The following SH3RF2 variants were observed in gnomAD, a reference collection of about 807,000 sequenced individuals.
SH3RF2 encodes E3 ubiquitin-protein ligase SH3RF2.
Under a neutral mutation model 59.0 loss-of-function variants are expected in SH3RF2, and 43 were observed. The observed-to-expected ratio is 0.73, with a 90% CI of 0.57 to 0.94. SH3RF2 has a LOEUF of 0.94. Ranked by LOEUF, SH3RF2 falls within the 40% of genes least tolerant of loss-of-function variation. SH3RF2 has a pLI of 0.00. For synonymous variants in SH3RF2, 391 were observed against 391.5 expected, an observed-to-expected ratio of 1.00 and a Z score of 0.01; for missense variants, 930 against 940.1, an observed-to-expected ratio of 0.99 and a Z score of 0.14.
intron 6 of SH3RF2, among the ~76,000 whole-genome samples, chr5:146,048,656 T>C (rs1165909408): frequency 6.6e-6 from 1 of 152,148 alleles, no homozygotes; most frequent in Non-Finnish European, 1.5e-5. Context: ...GGAGGCCATA[T>C]ACTGGTGATC....
At chr5:146,020,735 T>C (rs1761288370) in intron 5 of SH3RF2, among the ~76,000 whole-genome samples, 1 of 152,184 alleles carries the variant, frequency 6.6e-6, no homozygotes, top group Admixed American at 6.5e-5. Flanking sequence ...TTTTGTTCAC[T>C]TATGTGCTCT....
At chr5:146,046,187 G>A (rs1420301703) in intron 5 of SH3RF2, among the ~76,000 whole-genome samples, 1 of 152,080 alleles carries the variant, frequency 6.6e-6, no homozygotes. Flanking sequence ...TTATACAATT[G>A]TGTCTGCAAT....
intron 2 of SH3RF2, among the ~76,000 whole-genome samples, chr5:145,984,138 A>T (rs1759610991): frequency 6.6e-6 from 1 of 152,144 alleles, no homozygotes; most frequent in South Asian, 2.1e-4. Flanking sequence ...CCATAAAGGC[A>T]GGTATTGTGT....
intron 2 of SH3RF2, among the ~76,000 whole-genome samples, chr5:145,969,425 C>T (rs1758985995): frequency 6.6e-6 from 1 of 152,148 alleles, no homozygotes; most frequent in Non-Finnish European, 1.5e-5. Context: ...AAGATGTTCA[C>T]TATCAGCATA....
At chr5:145,948,067 C>A (rs1238341487) in intron 2 of SH3RF2, among the ~76,000 whole-genome samples, 1 of 152,270 alleles carries the variant, frequency 6.6e-6, no homozygotes, top group East Asian at 1.9e-4. Context: ...ACTCTACAAA[C>A]AGAGTACATG....
intron 8 of SH3RF2, among the ~76,000 whole-genome samples, chr5:146,058,871 TA>T (rs35140745): frequency 0.31 from 40,592 of 132,556 alleles, 6,808 homozygotes; most frequent in Non-Finnish European, 0.4. Flanking sequence ...CATCTCAATT[TA>T]AAAAAAAAAA....
In SH3RF2 at chr5:145,938,236, G is replaced by A. The variant is rs770000413; in HGVS notation, c.308G>A (p.Arg103Lys). 1.9e-6 allele frequency: 3 copies of A among 1,610,730 alleles called. No individual in the cohort carries two copies. The highest frequency in any genetic ancestry group is 2.5e-6 in the Non-Finnish European group (3 of 1,179,672). Residue 103 changes from arginine (R) to lysine (K), a missense_variant, in exon 2 of 10, where the codon AGG becomes AAG. Transcript: ENST00000359120. ...TMTLQDGRKS[R>K]TNPRRLQASP... ...ACCTTGCAGGATGGCAGGAAAAGCAGGACCAACCCCAGACGTCTGCAGGCC... is the reference window on the plus strand; with the variant it reads ...ACCTTGCAGGATGGCAGGAAAAGCAAGACCAACCCCAGACGTCTGCAGGCC...
intron 5 of SH3RF2, among the ~76,000 whole-genome samples, chr5:146,025,248 A>T (rs1422707139): frequency 1.3e-5 from 2 of 152,168 alleles, no homozygotes; most frequent in African/African-American, 4.8e-5. Flanking sequence ...GACAAGATTC[A>T]TTTCTCACCA....
downstream of SH3RF2, among the ~76,000 whole-genome samples, chr5:146,064,128 CAG>C (rs886762784): frequency 4.0e-5 from 6 of 151,658 alleles, no homozygotes; most frequent in African/African-American, 1.2e-4. Context: ...GAGGAGAAAA[CAG>C]GGGAGAGGAG....
rs186331433 is a variant in SH3RF2, at chr5:146,037,223, T to C, written c.1060-10549T>C. On this transcript the variant is annotated intron_variant, in intron 5 of 9. Coordinates refer to ENST00000359120, the MANE Select transcript of SH3RF2 (RefSeq NM_152550.4). ...CAAGAACCTCATGAGGTAGCCACTA[T>C]TCTTGCCCCCTTTCGTAGATAAGGA... Among the ~76,000 whole-genome samples, 165 of 152,336 alleles carry C rather than the reference T, an allele frequency of 1.1e-3. 3 individuals carry two copies. Among genetic ancestry groups the C allele is most frequent in the African/African-American group, 3.9e-3 (164 of 41,574 alleles).
chr5:145,962,577 C>T (rs993622026), intron 2 of SH3RF2, among the ~76,000 whole-genome samples: 1 of 152,214 alleles, frequency 6.6e-6, no homozygotes, highest in Non-Finnish European at 1.5e-5. Context: ...TTCTGTCCCC[C>T]TCTTCAGTTC....
At position 145,938,279 on chromosome 5, in the gene SH3RF2, G is replaced by T. The variant is rs1425740923; in HGVS notation, c.351G>T (p.Val117=). Residue 117 remains valine, a synonymous_variant, in exon 2 of 10, where the codon GTG becomes GTT. Transcript: ENST00000359120. ...RRLQASPFRL[V]PNVRIHMDGV... is the part of the protein sequence containing the mutation. ...TGCAGGCCAGTCCTTTCCGGCTAGT[G>T]CCTAATGTCAGAATCCACATGGATG... 6.3e-7 allele frequency: 1 copy of T among 1,575,752 alleles called. No individual in the cohort carries two copies. Among genetic ancestry groups the T allele is most frequent in the Non-Finnish European group, 8.6e-7 (1 of 1,166,028 alleles).
At chr5:145,982,615 A>G (rs775254700) in intron 2 of SH3RF2, among the ~76,000 whole-genome samples, 4 of 152,154 alleles carry the variant, frequency 2.6e-5, no homozygotes, top group African/African-American at 4.8e-5. Flanking sequence ...TCCTTCTCAC[A>G]ATACTTATTG....
At chr5:145,964,306 T>TCC (rs1758773651) in intron 2 of SH3RF2, among the ~76,000 whole-genome samples, 1 of 137,436 alleles carries the variant, frequency 7.3e-6, no homozygotes, top group Non-Finnish European at 1.6e-5. Context: ...CTTCCTTCCT[T>TCC]TCTTTCTTTT....
intron 5 of SH3RF2, among the ~76,000 whole-genome samples, chr5:146,038,391 C>G (rs750441328): frequency 2.0e-5 from 3 of 152,056 alleles, no homozygotes; most frequent in Non-Finnish European, 4.4e-5. Context: ...ATATAACTGT[C>G]ATTATTTGCA....
At chr5:146,028,712 T>C (rs1216341942) in intron 5 of SH3RF2, among the ~76,000 whole-genome samples, 1 of 152,210 alleles carries the variant, frequency 6.6e-6, no homozygotes, top group African/African-American at 2.4e-5. Context: ...AGGGTCTGGC[T>C]TGTAGTAAAT....
intron 5 of SH3RF2, among the ~76,000 whole-genome samples, chr5:146,043,348 C>T (rs1048838012): frequency 8.5e-5 from 13 of 152,274 alleles, no homozygotes; most frequent in African/African-American, 3.1e-4. Context: ...GCTAGCTGCC[C>T]TCTATGAAGC....
Position 146,056,033 on chromosome 5 carries a change from A to T in SH3RF2, c.1375A>T (p.Thr459Ser). ...SRSPGLYTTW[T>S]LSTSSVSSQG... Reference sequence around the variant, plus strand: ...GAGCCCTGGTCTCTACACCACATGGACGTTATCCACCTCCTCTGTGTCCTC... The same window carrying T: ...GAGCCCTGGTCTCTACACCACATGGTCGTTATCCACCTCCTCTGTGTCCTC... The change falls in exon 8 of 10, where the codon ACG becomes TCG. Residue 459 changes from threonine (T) to serine (S), a missense_variant. Transcript: ENST00000359120. The T allele has an allele frequency of 6.2e-7, 1 of 1,614,176 alleles. No individual in the cohort carries two copies. The highest frequency in any genetic ancestry group is 8.5e-7 in the Non-Finnish European group (1 of 1,180,020).
In SH3RF2 at chr5:146,060,045, G is replaced by T. The variant is rs367884211; in HGVS notation, c.1735G>T (p.Glu579Ter). The T allele has an allele frequency of 1.2e-5, 19 of 1,612,982 alleles. No individual in the cohort carries two copies. Among genetic ancestry groups the T allele is most frequent in the Non-Finnish European group, 1.6e-5 (19 of 1,179,560 alleles). ...EMGSKPALTG[E>*]PALTCISRGS... is the part of the protein sequence containing the mutation. ...GGGGTCCAAGCCTGCCCTCACGGGG[G>T]AGCCCGCCCTCACGTGCATCAGCAG... The change falls in exon 9 of 10, where the codon GAG (glutamate) becomes TAG (stop). Residue 579 changes from glutamate to a stop codon, truncating the protein, a stop_gained. Transcript: ENST00000359120. LOFTEE classifies it high-confidence loss of function.
Sources: gnomAD v4.1 joint callset for allele counts (sites outside exome capture counted in the v4.1 genomes callset) on GRCh38, gnomAD v4.1.1 for gene constraint, MANE v1.5 for transcripts, NCBI Gene and HGNC (gene_info 2026-07-23, HGNC 2026-07-21) for gene names.